SPIDR: variants seen among roughly 807,000 people sequenced by gnomAD.
The protein encoded by SPIDR is DNA repair-scaffolding protein.
A neutral mutation model predicts 104.6 loss-of-function variants in SPIDR; 93 were observed. The observed-to-expected ratio is 0.89, with a 90% CI of 0.75 to 1.06. The LOEUF is 1.06. Among genes scored for constraint, SPIDR ranks in the 50% least tolerant of loss-of-function variants. The probability of loss-of-function intolerance (pLI) is 0.00; values close to 1 mark genes in which losing one functional copy is unlikely to be tolerated. For synonymous variants in SPIDR, 431 were observed against 416.9 expected (o/e 1.03, Z -0.41); for missense variants, 1,154 against 1,111.2 (o/e 1.04, Z -0.55).
chr8:47,652,552 CT>C (rs1187251727), intron 10 of SPIDR, among the ~76,000 whole-genome samples: 2 of 152,306 alleles, frequency 1.3e-5, no homozygotes, highest in South Asian at 4.1e-4. Flanking sequence ...TGTCTGCTGT[CT>C]TAAGTACAGT....
chr8:47,401,980 A>G (rs1261385389), intron 6 of SPIDR, among the ~76,000 whole-genome samples: 2 of 152,198 alleles, frequency 1.3e-5, no homozygotes, highest in African/African-American at 4.8e-5. Context: ...TGCACCTAGC[A>G]GACCTAATAG....
intron 5 of SPIDR, among the ~76,000 whole-genome samples, chr8:47,338,828 G>C (rs1037616779): frequency 2.0e-5 from 3 of 152,152 alleles, no homozygotes; most frequent in Non-Finnish European, 4.4e-5. Flanking sequence ...TATCCTAAGG[G>C]TAGTCCTGCT....
At chr8:47,489,530 A>C (rs565385835) in intron 8 of SPIDR, among the ~76,000 whole-genome samples, 13 of 152,328 alleles carry the variant, frequency 8.5e-5, no homozygotes, top group South Asian at 2.1e-4. Context: ...ACCAAAAAAG[A>C]GCCACATTGC....
At chr8:47,733,466 T>A (rs558917693) in intron 19 of SPIDR, among the ~76,000 whole-genome samples, 1 of 152,306 alleles carries the variant, frequency 6.6e-6, no homozygotes, top group Non-Finnish European at 1.5e-5. Context: ...AAATGATTTT[T>A]TGCTGGCTTT....
intron 5 of SPIDR, among the ~76,000 whole-genome samples, chr8:47,321,028 TG>T (rs1218857626): frequency 1.3e-5 from 2 of 152,158 alleles, no homozygotes; most frequent in Non-Finnish European, 2.9e-5. Flanking sequence ...CTTTGAAAAC[TG>T]GCACAAGACA....
At chr8:47,644,974 A>C (rs1305565473) in intron 10 of SPIDR, among the ~76,000 whole-genome samples, 1 of 152,210 alleles carries the variant, frequency 6.6e-6, no homozygotes, top group Admixed American at 6.5e-5. Flanking sequence ...AAGAGAGGCC[A>C]GTGTACCTGG....
At chr8:47,458,649 C>T (rs1282546346) in intron 8 of SPIDR, among the ~76,000 whole-genome samples, 2 of 151,856 alleles carry the variant, frequency 1.3e-5, no homozygotes, top group Non-Finnish European at 2.9e-5. Flanking sequence ...TGTCTGATGG[C>T]TCTGGCTAGG....
At chr8:47,658,544 CTGTTGT>C (rs10584346) in intron 10 of SPIDR, among the ~76,000 whole-genome samples, 13,213 of 148,464 alleles carry the variant, frequency 0.089, 613 homozygotes, top group African/African-American at 0.13. Flanking sequence ...GGTTTTGTTA[CTGTTGT>C]TGTTGTTGTT....
intron 6 of SPIDR, among the ~76,000 whole-genome samples, chr8:47,402,249 G>T (rs566460969): frequency 6.6e-6 from 1 of 152,162 alleles, no homozygotes; most frequent in Non-Finnish European, 1.5e-5. Context: ...ACAAGAGAAA[G>T]CAGGAAAGAT....
rs756709097 is a variant in SPIDR at position 47,700,509 on chromosome 8, A to G, written c.1773+19A>G. On this transcript the variant is annotated intron_variant, in intron 12 of 19. Coordinates refer to ENST00000297423, the MANE Select transcript of SPIDR (RefSeq NM_001080394.4). ...TGAAGAGGTAAGCCCGGCACTGGAAAAACTTCCCCAGTCACAGACTACTCC... is the reference window on the plus strand; with the variant it reads ...TGAAGAGGTAAGCCCGGCACTGGAAGAACTTCCCCAGTCACAGACTACTCC... 2 of 1,613,984 alleles carry G rather than the reference A, an allele frequency of 1.2e-6. No individual in the cohort carries two copies. Among genetic ancestry groups the G allele is most frequent in the East Asian group, 2.2e-5 (1 of 44,878 alleles).
rs1404115930 is a variant in SPIDR at position 47,360,906 on chromosome 8, G to A, written c.526-35470G>A. The A allele has an allele frequency of 3.0e-6, 3 of 985,254 alleles. No individual in the cohort carries two copies. The African/African-American group carries it at 5.2e-5, about 17-fold the overall frequency. The allele number at this position is 985,254 out of a possible 1,614,324, so 61.0% of individuals were successfully genotyped here. On this transcript the variant is annotated intron_variant, in intron 5 of 19. Transcript: ENST00000297423. ...CTGCTTTGGTGCTGTTTGTGTTCAT[G>A]GTAGGATAAGACTTTGATTCAACCA...
intron 6 of SPIDR, among the ~76,000 whole-genome samples, chr8:47,398,981 C>T (rs1554660497): frequency 3.9e-5 from 6 of 152,164 alleles, no homozygotes; most frequent in Admixed American, 2.0e-4. Flanking sequence ...GCGGCGTGAC[C>T]AGGCAAAGCA....
Position 47,725,386 on chromosome 8 carries a change from CTTTTGT to C in SPIDR, c.2342-1797_2342-1792del, listed in dbSNP as rs539077384. ...TTCTGATGCTCATTTAAGTGAATGTCTTTTGTTTTTGTTTTTGTTTTTTTGAGATAG... is the reference window on the plus strand; with the variant it reads ...TTCTGATGCTCATTTAAGTGAATGTCTTTTGTTTTTGTTTTTTTGAGATAG... On this transcript the variant is annotated intron_variant, in intron 16 of 19. Transcript: ENST00000297423. 2.8e-3 allele frequency among the ~76,000 whole-genome samples: 428 copies of C among 152,134 alleles called. 3 individuals carry two copies. The highest frequency in any genetic ancestry group is 5.3e-3 in the Admixed American group (81 of 15,256).
At chr8:47,653,199 A>G (rs1230112712) in intron 10 of SPIDR, among the ~76,000 whole-genome samples, 37 of 152,184 alleles carry the variant, frequency 2.4e-4, no homozygotes, top group Admixed American at 2.4e-3. Flanking sequence ...GCGTGGGCCA[A>G]CATGCCCTTT....
In SPIDR at chr8:47,709,133, C is replaced by T. The variant is rs1223093298; in HGVS notation, c.1978-3529C>T. Reference sequence around the variant, plus strand: ...GATTACAGGCATCCGCCACTACACCCGGCTAATTTTTGTTTGTTTGTTTTT... The same window carrying T: ...GATTACAGGCATCCGCCACTACACCTGGCTAATTTTTGTTTGTTTGTTTTT... On this transcript the variant is annotated intron_variant, in intron 14 of 19. Coordinates refer to ENST00000297423, the MANE Select transcript of SPIDR (RefSeq NM_001080394.4). 5.9e-5 allele frequency among the ~76,000 whole-genome samples: 9 copies of T among 151,774 alleles called. No individual in the cohort carries two copies. In the South Asian group the frequency reaches 6.3e-4, roughly 11 times the overall value.
At position 47,704,847 on chromosome 8, in the gene SPIDR, G is replaced by A. The variant is rs1005044516; in HGVS notation, c.1977+2832G>A. Among the ~76,000 whole-genome samples, 26 of 152,146 alleles carry A rather than the reference G, an allele frequency of 1.7e-4. 1 individual carries two copies. The highest frequency in any genetic ancestry group is 5.9e-4 in the Admixed American group (9 of 15,274). On this transcript the variant is annotated intron_variant, in intron 14 of 19. Transcript: ENST00000297423. Reference sequence around the variant, plus strand: ...GGAGGATAGGGCTCCCAGCAAGGACGAGGCAGGGCACGTGCTATGTCCCAT... The same window carrying A: ...GGAGGATAGGGCTCCCAGCAAGGACAAGGCAGGGCACGTGCTATGTCCCAT...
At chr8:47,555,727 T>G (rs2091242465) in intron 8 of SPIDR, among the ~76,000 whole-genome samples, 1 of 152,156 alleles carries the variant, frequency 6.6e-6, no homozygotes, top group African/African-American at 2.4e-5. Context: ...ATGGCCTGTA[T>G]CCTCTCAATG....
chr8:47,323,267 AAAATCT>A (rs1483991447), intron 5 of SPIDR, among the ~76,000 whole-genome samples: 1 of 152,148 alleles, frequency 6.6e-6, no homozygotes, highest in Non-Finnish European at 1.5e-5. Flanking sequence ...TTCTGTGTGA[AAAATCT>A]TCTCAGGGAA....
chr8:47,642,394 C>T (rs1413154366), intron 10 of SPIDR, among the ~76,000 whole-genome samples: 10 of 142,622 alleles, frequency 7.0e-5, no homozygotes, highest in East Asian at 6.1e-4. Flanking sequence ...CCAGCCTGGG[C>T]GACAGAGCGA....
Sources: allele counts gnomAD v4.1 joint callset (sites outside exome capture counted in the v4.1 genomes callset), GRCh38; gene constraint gnomAD v4.1.1; transcripts MANE v1.5; gene names NCBI Gene and HGNC (gene_info 2026-07-23, HGNC 2026-07-21).